ABCC10: variants seen among roughly 807,000 people sequenced by gnomAD.
ABCC10 encodes the protein ATP-binding cassette sub-family C member 10.
In ABCC10, 110 loss-of-function variants were observed where a neutral mutation model predicts 143.2. The ratio of observed to expected loss-of-function variants is 0.77; its 90% CI spans 0.66 to 0.90. The LOEUF (loss-of-function observed/expected upper bound fraction) is 0.90. Among genes scored for constraint, ABCC10 ranks in the 40% least tolerant of loss-of-function variants. The pLI, the probability that ABCC10 is intolerant of heterozygous loss-of-function variation, is 0.00. For missense variants in ABCC10, 1,700 were observed against 1,900.5 expected (o/e 0.89, Z 1.96); for synonymous variants, 805 against 846.7 (o/e 0.95, Z 0.85).
intron 2 of ABCC10, chr6:43,431,908 G>T (rs143618495): frequency 4.4e-6 from 6 of 1,370,126 alleles, no homozygotes; most frequent in Non-Finnish European, 5.6e-6. Flanking sequence ...TTTAGAAAAT[G>T]AGTTAGGTTC....
chr6:43,447,960 A>C, intron 18 of ABCC10, 23 bp downstream of exon 18: 1 of 1,609,332 alleles, frequency 6.2e-7, no homozygotes, highest in Non-Finnish European at 8.5e-7. Flanking sequence ...TGGACTTGGG[A>C]GGGGAAGGGG....
chr6:43,446,214 C>T, intron 15 of ABCC10, 63 bp from the exon 16 acceptor site: 1 of 1,562,726 alleles, frequency 6.4e-7, no homozygotes, highest in South Asian at 1.2e-5. Context: ...CCTGTTGAGG[C>T]CCTGAGGCTG....
rs779647784 is a variant in ABCC10, at chr6:43,438,033, C to A, written c.1955+20C>A. The A allele has an allele frequency of 5.0e-6, 8 of 1,606,224 alleles. No individual in the cohort carries two copies. Among genetic ancestry groups the A allele is most frequent in the Middle Eastern group, 1.6e-4 (1 of 6,070 alleles). On this transcript the variant is annotated intron_variant, in intron 7 of 21. Coordinates refer to ENST00000372530, the MANE Select transcript of ABCC10 (RefSeq NM_001198934.2). ...CCACAGGTAACCAACCTCCTATGCA[C>A]CCCTGTCCTTACTTTGTCCTTTAGC...
At chr6:43,448,187 TC>T in intron 18 of ABCC10, 1 of 645,696 alleles carries the variant, frequency 1.5e-6, no homozygotes. Context: ...TTCTTGTACT[TC>T]CTACCATACA....
intron 5 of ABCC10, 76 bp from the exon 6 acceptor site, chr6:43,436,062 G>A: frequency 1.2e-6 from 2 of 1,608,064 alleles, no homozygotes; most frequent in Non-Finnish European, 1.7e-6. Flanking sequence ...GGGCTGGCAA[G>A]TGAATTACAT....
Position 43,444,372 on chromosome 6 carries a change from GTC to G in ABCC10, c.2689+23_2689+24del. 1.3e-6 allele frequency: 2 copies of G among 1,585,908 alleles called. No individual in the cohort carries two copies. Among genetic ancestry groups the G allele is most frequent in the Non-Finnish European group, 1.7e-6 (2 of 1,167,496 alleles). On this transcript the variant is annotated intron_variant, in intron 12 of 21. Transcript: ENST00000372530. ...ATGCAAGGTGAGAGCGTGCCTGGGA[GTC>G]TCTTACATCGTAACGGCTGTGCTGT... is the stretch of plus-strand genomic sequence containing the variant.
At chr6:43,449,812 T>C (rs1341500493) in intron 21 of ABCC10, 117 bp from the exon 22 acceptor site, 1 of 1,282,500 alleles carries the variant, frequency 7.8e-7, no homozygotes, top group South Asian at 1.4e-5. Flanking sequence ...AGCCAGGGGC[T>C]AAAGCCTGTG....
At chr6:43,430,468 A>T (rs1379015018) in intron 2 of ABCC10, among the ~76,000 whole-genome samples, 1 of 151,964 alleles carries the variant, frequency 6.6e-6, no homozygotes, top group Non-Finnish European at 1.5e-5. Flanking sequence ...GTGGACTTTT[A>T]AGAAAACCCC....
chr6:43,444,406 GC>G (rs1301515419), intron 12 of ABCC10, 53 bp downstream of exon 12: 5 of 1,532,014 alleles, frequency 3.3e-6, no homozygotes, highest in Non-Finnish European at 3.5e-6. Context: ...CTGTCTAGGT[GC>G]CCATTACCTT....
chr6:43,427,647 TG>T lies in ABCC10; in HGVS notation c.-121del. 8.0e-6 allele frequency: 3 copies of T among 376,492 alleles called. No homozygotes were observed. Among genetic ancestry groups the T allele is most frequent in the Non-Finnish European group, 1.5e-5 (3 of 202,058 alleles). 23.3% of individuals were successfully genotyped at this position (376,492 alleles called of 1,614,324 possible). On this transcript the variant is annotated 5_prime_UTR_variant, in exon 1 of 22. Transcript: ENST00000372530. ...GGCCGGGCAGTACTTTTTTTTTTTT[TG>T]CATACACCAGTTCTCAGGATATCGG...
At chr6:43,444,677 C>T (rs1256999301) in intron 12 of ABCC10, 111 bp from the exon 13 acceptor site, 38 of 1,450,028 alleles carry the variant, frequency 2.6e-5, no homozygotes, top group African/African-American at 5.7e-5. Context: ...CCAGGCCAGG[C>T]GGATGGAGAT....
chr6:43,435,666 C>T (rs1185404156), intron 4 of ABCC10, 85 bp from the exon 5 acceptor site: 5 of 1,473,194 alleles, frequency 3.4e-6, no homozygotes, highest in Admixed American at 2.3e-5. Flanking sequence ...CAGTTCTTCC[C>T]TCCGTAGACC....
At chr6:43,433,400 C>T in intron 3 of ABCC10, 40 bp downstream of exon 3, 1 of 1,552,970 alleles carries the variant, frequency 6.4e-7, no homozygotes, top group South Asian at 1.2e-5. Flanking sequence ...TCTGGAGACC[C>T]CACCCAGCCC....
Position 43,447,946 on chromosome 6 carries a change from G to A in ABCC10, c.3959+9G>A, listed in dbSNP as rs1214464139. On this transcript the variant is annotated intron_variant, in intron 18 of 21. Coordinates refer to ENST00000372530, the MANE Select transcript of ABCC10 (RefSeq NM_001198934.2). ...GAGCTGGCCCAGCTCAGGTCTGGGG[G>A]AGATGGACTTGGGAGGGGAAGGGGG... 1 of 1,612,038 alleles carries A rather than the reference G, an allele frequency of 6.2e-7. No individual in the cohort carries two copies. Among genetic ancestry groups the A allele is most frequent in the African/African-American group, 1.3e-5 (1 of 75,066 alleles).
chr6:43,449,904 A>G, intron 21 of ABCC10, 25 bp from the exon 22 acceptor site: 17 of 1,613,658 alleles, frequency 1.1e-5, no homozygotes, highest in Non-Finnish European at 1.4e-5. Flanking sequence ...CTCATCCCCT[A>G]CACTGACCAT....
chr6:43,443,163 A>G lies in ABCC10; in HGVS notation c.2416+4A>G. On this transcript the variant is annotated splice_donor_region_variant and intron_variant, in intron 10 of 21. Transcript: ENST00000372530. This position sits in a 1 kb window ranked among gnomAD's most constrained non-coding sequence, Gnocchi z 4.2. Reference sequence around the variant, plus strand: ...GCCGGGCGCCTCATCCGGGCTGGTAATGGGGGCAGGAGCCCCGTGTGAGGG... The same window carrying G: ...GCCGGGCGCCTCATCCGGGCTGGTAGTGGGGGCAGGAGCCCCGTGTGAGGG... 1 of 1,592,054 alleles carries G rather than the reference A, an allele frequency of 6.3e-7. No homozygotes were observed. Among genetic ancestry groups the G allele is most frequent in the Non-Finnish European group, 8.5e-7 (1 of 1,174,516 alleles).
rs749877236 is a variant in ABCC10, at chr6:43,445,597, A to G, written c.3031-2A>G. ...CTGGCCCAATCAGCGTCCTTCTCCCAGGCACCAGTGACTTTCTTCAATGCC... is the reference window on the plus strand; with the variant it reads ...CTGGCCCAATCAGCGTCCTTCTCCCGGGCACCAGTGACTTTCTTCAATGCC... On this transcript the variant is annotated splice_acceptor_variant, in intron 14 of 21. Coordinates refer to ENST00000372530, the MANE Select transcript of ABCC10 (RefSeq NM_001198934.2). LOFTEE classifies it high-confidence loss of function. 4.4e-6 allele frequency: 7 copies of G among 1,605,948 alleles called. No individual in the cohort carries two copies. The highest frequency in any genetic ancestry group is 8.5e-7 in the Non-Finnish European group (1 of 1,174,866).
At chr6:43,430,668 A>G (rs1781028449) in intron 2 of ABCC10, 1 of 151,944 alleles carries the variant, frequency 6.6e-6, no homozygotes, top group African/African-American at 2.4e-5. Flanking sequence ...CTCTTTTTGT[A>G]TGAACTTTCA....
intron 14 of ABCC10, 53 bp from the exon 15 acceptor site, chr6:43,445,546 C>G: frequency 1.3e-6 from 2 of 1,561,522 alleles, no homozygotes; most frequent in East Asian, 4.5e-5. Flanking sequence ...TGCTGCCTGC[C>G]AACCCCTCTT....
Sources: gnomAD v4.1 joint callset for allele counts (sites outside exome capture counted in the v4.1 genomes callset) on GRCh38, gnomAD v4.1.1 for gene constraint, Gnocchi (gnomAD v3.1) non-coding constraint, MANE v1.5 for transcripts, NCBI Gene and HGNC (gene_info 2026-07-23, HGNC 2026-07-21) for gene names.